ZFPM2: variants seen among roughly 807,000 people sequenced by gnomAD.
The protein encoded by ZFPM2 is zinc finger protein ZFPM2.
ZFPM2 carries 20 observed loss-of-function variants against 98.6 expected under a neutral mutation model. The observed-to-expected ratio is 0.20, with a 90% confidence interval of 0.14 to 0.29. The LOEUF is 0.29. Ranked by LOEUF, ZFPM2 falls within the 10% of genes least tolerant of loss-of-function variation. The pLI is 1.00. For synonymous variants in ZFPM2, 518 were observed against 502.7 expected, an observed-to-expected ratio of 1.03 and a Z score of -0.41; for missense variants, 1,310 against 1,388.6, an observed-to-expected ratio of 0.94 and a Z score of 0.90.
intron 3 of ZFPM2, among the ~76,000 whole-genome samples, chr8:105,503,770 T>G (rs1813642888): frequency 6.6e-6 from 1 of 152,224 alleles, no homozygotes; most frequent in African/African-American, 2.4e-5. Context: ...TTATTTAAGC[T>G]ATTTGACTAG....
intron 5 of ZFPM2, among the ~76,000 whole-genome samples, chr8:105,757,616 T>C (rs1812633691): frequency 6.6e-6 from 1 of 152,184 alleles, no homozygotes; most frequent in African/African-American, 2.4e-5. Context: ...AATGAATCTA[T>C]TGATTTTTTT....
intron 1 of ZFPM2, among the ~76,000 whole-genome samples, chr8:105,413,663 G>A (rs1811625129): frequency 1.3e-5 from 2 of 151,626 alleles, no homozygotes; most frequent in African/African-American, 4.8e-5. Flanking sequence ...TTGAAAAAGA[G>A]TTCAAAAGAG....
chr8:105,580,147 T>A (rs1206442414), intron 4 of ZFPM2, among the ~76,000 whole-genome samples: 1 of 152,180 alleles, frequency 6.6e-6, no homozygotes, highest in Non-Finnish European at 1.5e-5. Flanking sequence ...TTCTCTTCTT[T>A]GGTCGAATTG....
At chr8:105,384,573 A>G (rs1810948172) in intron 1 of ZFPM2, among the ~76,000 whole-genome samples, 1 of 151,982 alleles carries the variant, frequency 6.6e-6, no homozygotes, top group South Asian at 2.1e-4. Context: ...TCCTGATCCC[A>G]TCACATTGTG....
chr8:105,699,604 T>C (rs1297174345), intron 5 of ZFPM2, among the ~76,000 whole-genome samples: 1 of 152,162 alleles, frequency 6.6e-6, no homozygotes, highest in African/African-American at 2.4e-5. Context: ...CTGATATTCA[T>C]ATAACACCTC....
chr8:105,615,242 AT>A lies in ZFPM2; in HGVS notation c.421-19003del, dbSNP rs1301328158. 5.9e-5 allele frequency among the ~76,000 whole-genome samples: 9 copies of A among 152,158 alleles called. No individual in the cohort carries two copies. The South Asian group carries it at 1.4e-3, about 24-fold the overall frequency. ...ACTTGGGTTAGTCAGTAATAGCACA[AT>A]AATGGAAATATACTCTCAAGTTTAT... On this transcript the variant is annotated intron_variant, in intron 4 of 7. Transcript: ENST00000407775.
intron 4 of ZFPM2, among the ~76,000 whole-genome samples, chr8:105,633,256 A>C (rs1034252753): frequency 9.2e-5 from 14 of 152,224 alleles, no homozygotes; most frequent in African/African-American, 3.4e-4. Flanking sequence ...TGGCAGGATC[A>C]TATCTAGGTG....
chr8:105,701,334 A>G (rs1368312949), intron 5 of ZFPM2, among the ~76,000 whole-genome samples: 1 of 152,160 alleles, frequency 6.6e-6, no homozygotes, highest in Admixed American at 6.6e-5. Flanking sequence ...TTTTCAAGAC[A>G]TTTGATCTTA....
At chr8:105,484,480 T>C (rs756186553) in intron 3 of ZFPM2, among the ~76,000 whole-genome samples, 1 of 152,170 alleles carries the variant, frequency 6.6e-6, no homozygotes, top group Non-Finnish European at 1.5e-5. Context: ...ATTAATCCTA[T>C]TAAGTCATTA....
rs573504093 is a variant in ZFPM2 at position 105,493,709 on chromosome 8, T to C, written c.301+49328T>C. ...TCTTAATATGTCTCCCATAGATAGA[T>C]AGATCTATCAATAGTCAGACAAGCA... On this transcript the variant is annotated intron_variant, in intron 3 of 7. Coordinates refer to ENST00000407775, the MANE Select transcript of ZFPM2 (RefSeq NM_012082.4). Among the ~76,000 whole-genome samples, 111 of 152,320 alleles carry C rather than the reference T, an allele frequency of 7.3e-4. 1 individual carries two copies. Among genetic ancestry groups the C allele is most frequent in the African/African-American group, 2.3e-3 (94 of 41,566 alleles).
At chr8:105,402,458 T>C (rs1375604574) in intron 1 of ZFPM2, among the ~76,000 whole-genome samples, 2 of 151,998 alleles carry the variant, frequency 1.3e-5, no homozygotes, top group Non-Finnish European at 2.9e-5. Flanking sequence ...TATTGCCCAA[T>C]TGGTTTAAAA....
chr8:105,789,419 C>CT (rs1159382520), intron 6 of ZFPM2, among the ~76,000 whole-genome samples: 2 of 152,112 alleles, frequency 1.3e-5, no homozygotes, highest in Non-Finnish European at 2.9e-5. Context: ...TGAACTCATC[C>CT]TTTTTTATGG....
chr8:105,380,697 C>T (rs13271321), intron 1 of ZFPM2, among the ~76,000 whole-genome samples: 1 of 10,028 alleles, frequency 1.0e-4, no homozygotes, highest in Non-Finnish European at 1.7e-4. Context: ...TTATATATAA[C>T]ATATATAATA....
chr8:105,534,006 T>TCCTC (rs1563704241), intron 3 of ZFPM2, among the ~76,000 whole-genome samples: 1 of 27,378 alleles, frequency 3.7e-5, no homozygotes, highest in Non-Finnish European at 6.0e-5. Flanking sequence ...TCTCCTTCCT[T>TCCTC]CCTTCCTCCC....
chr8:105,611,399 C>T (rs1314836165), intron 4 of ZFPM2, among the ~76,000 whole-genome samples: 1 of 152,170 alleles, frequency 6.6e-6, no homozygotes, highest in African/African-American at 2.4e-5. Flanking sequence ...CTACTCAGAA[C>T]TGATCCACTA....
rs373181906 is a variant in ZFPM2 at position 105,803,599 on chromosome 8, GA to G, written c.*70del. 5.8e-4 allele frequency: 823 copies of G among 1,415,014 alleles called. 1 individual carries two copies. In the African/African-American group the frequency reaches 8.4e-3, roughly 14 times the overall value. 87.7% of individuals were successfully genotyped at this position (1,415,014 alleles called of 1,614,324 possible). On this transcript the variant is annotated 3_prime_UTR_variant, in exon 8 of 8. Transcript: ENST00000407775. The stretch of plus-strand genomic sequence containing the variant: ...TTAGTATGTTGTTCTAACCAGTCCA[GA>G]AAAAAAAATAAGCTGTTTGAATTAC...
At chr8:105,461,920 C>A (rs1488530526) in intron 3 of ZFPM2, among the ~76,000 whole-genome samples, 2 of 152,134 alleles carry the variant, frequency 1.3e-5, no homozygotes, top group East Asian at 3.8e-4. Flanking sequence ...GTGTGTATGT[C>A]ACCATTTCAT....
chr8:105,468,034 C>A (rs1014760133), intron 3 of ZFPM2, among the ~76,000 whole-genome samples: 18 of 151,934 alleles, frequency 1.2e-4, no homozygotes, highest in African/African-American at 4.1e-4. Flanking sequence ...TCACTCATGT[C>A]CCCTATCTCA....
At chr8:105,413,174 T>C (rs893106667) in intron 1 of ZFPM2, among the ~76,000 whole-genome samples, 3 of 151,862 alleles carry the variant, frequency 2.0e-5, no homozygotes, top group African/African-American at 4.8e-5. Flanking sequence ...GTGAATGTTA[T>C]CCTGAAATTA....
Sources: allele counts gnomAD v4.1 joint callset (sites outside exome capture counted in the v4.1 genomes callset), GRCh38; gene constraint gnomAD v4.1.1; transcripts MANE v1.5; gene names NCBI Gene and HGNC (gene_info 2026-07-23, HGNC 2026-07-21).